Variants in RBKS observed in about 807,000 individuals in gnomAD.
RBKS encodes the protein ribokinase.
Under a neutral mutation model 33.9 loss-of-function variants are expected in RBKS, and 33 were observed. The ratio of observed to expected loss-of-function variants is 0.97; its 90% CI spans 0.74 to 1.30. The LOEUF (loss-of-function observed/expected upper bound fraction) is 1.30. Among genes scored for constraint, RBKS ranks in the 50% most tolerant of loss-of-function variants. The pLI is 0.00. For synonymous variants in RBKS, 125 were observed against 143.0 expected (o/e 0.87, Z 0.90); for missense variants, 361 against 392.6 (o/e 0.92, Z 0.68).
At chr2:27,783,055 C>T (rs1424898209) in intron 7 of RBKS, among the ~76,000 whole-genome samples, 1 of 152,176 alleles carries the variant, frequency 6.6e-6, no homozygotes, top group Non-Finnish European at 1.5e-5. Flanking sequence ...TCGAATTGTT[C>T]CAGCTTTGGC....
At chr2:27,846,635 T>C (rs1474878607) in intron 4 of RBKS, among the ~76,000 whole-genome samples, 2 of 152,244 alleles carry the variant, frequency 1.3e-5, no homozygotes, top group Non-Finnish European at 2.9e-5. Flanking sequence ...ACATATTCTA[T>C]AAATATGACT....
chr2:27,876,855 T>G (rs569331983), intron 1 of RBKS, among the ~76,000 whole-genome samples: 26 of 152,188 alleles, frequency 1.7e-4, no homozygotes, highest in Admixed American at 6.5e-5. Flanking sequence ...AAAAAAATTC[T>G]AAAGGACAAT....
chr2:27,825,634 G>A (rs990695282), intron 7 of RBKS, among the ~76,000 whole-genome samples: 4 of 152,214 alleles, frequency 2.6e-5, no homozygotes, highest in Admixed American at 6.5e-5. Flanking sequence ...TGGGTAGGGA[G>A]TGGACCCACC....
intron 7 of RBKS, among the ~76,000 whole-genome samples, chr2:27,807,037 T>A (rs540232807): frequency 1.3e-5 from 2 of 152,316 alleles, no homozygotes; most frequent in African/African-American, 4.8e-5. Flanking sequence ...ACTCCACCAT[T>A]GGCCAAAACC....
At chr2:27,838,090 C>T (rs1433834063) in intron 5 of RBKS, among the ~76,000 whole-genome samples, 3 of 152,082 alleles carry the variant, frequency 2.0e-5, no homozygotes, top group East Asian at 3.9e-4. Context: ...ATCCCAGCTA[C>T]TTGGGAGGCT....
At chr2:27,854,667 T>C (rs1162999684) in intron 2 of RBKS, among the ~76,000 whole-genome samples, 1 of 152,202 alleles carries the variant, frequency 6.6e-6, no homozygotes, top group Admixed American at 6.5e-5. Context: ...GTAAATATAG[T>C]TGCTAACAGC....
intron 1 of RBKS, among the ~76,000 whole-genome samples, chr2:27,873,906 G>GA (rs1664264212): frequency 1.3e-5 from 2 of 151,662 alleles, no homozygotes; most frequent in Non-Finnish European, 2.9e-5. Context: ...CTTTTATTTA[G>GA]AAAACACATC....
rs1677695844 is a variant in RBKS at position 27,798,146 on chromosome 2, G to A, written c.796-16358C>T. ...GACAGAGAGAAAAATGGTCATGTAG[G>A]CGCCCAAGTCCTAGATAAACAGACA... On this transcript the variant is annotated intron_variant, in intron 7 of 7. Transcript: ENST00000302188. 2.6e-5 allele frequency among the ~76,000 whole-genome samples: 4 copies of A among 152,098 alleles called. No homozygotes were observed. In the South Asian group the frequency reaches 6.2e-4, roughly 24 times the overall value.
chr2:27,818,110 G>A (rs2148197597), intron 7 of RBKS, among the ~76,000 whole-genome samples: 1 of 152,260 alleles, frequency 6.6e-6, no homozygotes, highest in South Asian at 2.1e-4. Flanking sequence ...GGTGATACAA[G>A]CTCCTGGTCT....
intron 1 of RBKS, among the ~76,000 whole-genome samples, chr2:27,884,552 C>CA: frequency 6.7e-6 from 1 of 148,846 alleles, no homozygotes; most frequent in Non-Finnish European, 1.5e-5. Context: ...CTGGCCATAA[C>CA]TTTTTTTTTT....
intron 1 of RBKS, among the ~76,000 whole-genome samples, chr2:27,883,968 C>A (rs1664473843): frequency 6.6e-6 from 1 of 152,154 alleles, no homozygotes; most frequent in South Asian, 2.1e-4. Flanking sequence ...TAACAAAATA[C>A]TAATTTAATA....
At chr2:27,860,965 CTCTT>C (rs1248393490) in intron 1 of RBKS, among the ~76,000 whole-genome samples, 3 of 143,964 alleles carry the variant, frequency 2.1e-5, no homozygotes, top group African/African-American at 7.9e-5. Context: ...GTCTCTGTCT[CTCTT>C]TCTCTCTTTT....
At chr2:27,794,337 A>ATAAT (rs2148185249) in intron 7 of RBKS, among the ~76,000 whole-genome samples, 1 of 147,636 alleles carries the variant, frequency 6.8e-6, no homozygotes, top group East Asian at 2.0e-4. Flanking sequence ...AATAATAATA[A>ATAAT]TAATAATAAT....
At chr2:27,851,999 G>A (rs964239973) in intron 2 of RBKS, among the ~76,000 whole-genome samples, 5 of 152,194 alleles carry the variant, frequency 3.3e-5, no homozygotes, top group East Asian at 3.8e-4. Flanking sequence ...TTGGAAACCC[G>A]CATAGTCTGA....
chr2:27,853,323 G>A (rs545693196), intron 2 of RBKS, among the ~76,000 whole-genome samples: 62 of 141,014 alleles, frequency 4.4e-4, no homozygotes, highest in South Asian at 3.5e-3. Context: ...CTGTAGCACC[G>A]TAGTACTACA....
intron 2 of RBKS, among the ~76,000 whole-genome samples, chr2:27,848,898 G>T (rs1428521790): frequency 6.6e-6 from 1 of 151,158 alleles, no homozygotes; most frequent in African/African-American, 2.4e-5. Context: ...GTTCATGAAT[G>T]AGCATGTGAC....
chr2:27,781,682 C>T lies in RBKS; in HGVS notation c.902G>A (p.Ser301Asn), dbSNP rs1677287180. 1 of 1,613,956 alleles carries T rather than the reference C, an allele frequency of 6.2e-7. No individual in the cohort carries two copies. The highest frequency in any genetic ancestry group is 8.5e-7 in the Non-Finnish European group (1 of 1,179,992). The change falls in exon 8 of 8, where the codon AGT becomes AAT. Residue 301 changes from serine (S) to asparagine (N), a missense_variant. By Grantham distance (46) the Ser-to-Asn change is conservative. Coordinates refer to ENST00000302188, the MANE Select transcript of RBKS (RefSeq NM_022128.3). ...LNRSNFIAAVSVQAAGTQSSY... is the reference protein window; with the variant it reads ...LNRSNFIAAVNVQAAGTQSSY... ...TGACTGTGTTCCTGCAGCCTGGACA[C>T]TGACTGCTGCAATGAAATTGGATCT...
intron 7 of RBKS, among the ~76,000 whole-genome samples, chr2:27,786,849 C>T (rs1226430205): frequency 2.0e-5 from 3 of 151,616 alleles, no homozygotes; most frequent in Admixed American, 6.6e-5. Flanking sequence ...CTTAAAATCA[C>T]TTAAATTCCC....
In RBKS at chr2:27,841,198, G is replaced by A. The variant is rs532270350; in HGVS notation, c.514+1869C>T. ...CCCAGGGTAGGCTGCCTGCCCATCC[G>A]GATTACTCTATTCTCACCTGTGAAA... On this transcript the variant is annotated intron_variant, in intron 5 of 7. Transcript: ENST00000302188. Among the ~76,000 whole-genome samples, 15 of 152,084 alleles carry A rather than the reference G, an allele frequency of 9.9e-5. No homozygotes were observed. The East Asian group carries it at 2.5e-3, about 25-fold the overall frequency.
Sources: gnomAD v4.1 joint callset for allele counts (sites outside exome capture counted in the v4.1 genomes callset) on GRCh38, gnomAD v4.1.1 for gene constraint, MANE v1.5 for transcripts, NCBI Gene and HGNC (gene_info 2026-07-23, HGNC 2026-07-21) for gene names.